Variants in UNC93B1 observed in about 807,000 individuals in gnomAD.
The protein encoded by UNC93B1 is unc-93B1 regulator of TLR signaling.
UNC93B1 carries 33 observed loss-of-function variants against 56.8 expected under a neutral mutation model. That is an observed-to-expected ratio of 0.58 (90% CI 0.44 to 0.78). UNC93B1 has a LOEUF of 0.78. UNC93B1 is among the 30% of genes least tolerant of loss of function. The pLI is 0.00. For missense variants in UNC93B1, 673 were observed against 819.5 expected, an observed-to-expected ratio of 0.82 and a Z score of 2.18; for synonymous variants, 334 against 358.6, an observed-to-expected ratio of 0.93 and a Z score of 0.77.
In UNC93B1 at chr11:67,993,992, C is replaced by CAGA. The variant is rs1856892969; in HGVS notation, c.1364-201_1364-199dup. Among the ~76,000 whole-genome samples the CAGA allele has an allele frequency of 5.3e-5, 8 of 152,350 alleles. No individual in the cohort carries two copies. The South Asian group carries it at 1.7e-3, about 32-fold the overall frequency. On this transcript the variant is annotated intron_variant, in intron 9 of 10. Transcript: ENST00000227471. The stretch of plus-strand genomic sequence containing the variant: ...GTCACCACACTGCTCACACGCTAAG[C>CAGA]AGAAGTAGGAGCAGGTGCCTCGGGC...
intron 9 of UNC93B1, 142 bp downstream of exon 9, chr11:67,995,469 C>T: frequency 1.4e-6 from 1 of 719,256 alleles, no homozygotes; most frequent in Non-Finnish European, 2.2e-6. Flanking sequence ...CCCCACCTGC[C>T]TCTGCCATGT....
At chr11:67,995,996 C>T (rs1416358605) in intron 8 of UNC93B1, 112 bp from the exon 9 acceptor site, 4 of 918,984 alleles carry the variant, frequency 4.4e-6, no homozygotes, top group Non-Finnish European at 6.1e-6. Flanking sequence ...GTCCTAAGAG[C>T]CAGGGGGGAA....
chr11:68,003,393 G>T lies in UNC93B1; in HGVS notation c.239-218C>A, dbSNP rs370587379. On this transcript the variant is annotated intron_variant, in intron 2 of 10. Transcript: ENST00000227471. The surrounding 1 kb of genome is among the most constrained non-coding windows in gnomAD (Gnocchi z 4.4). ...CCCAGACCCCCACCCGCCTTGCTCC[G>T]CCGGCCTCCAATTCTGACGGTGGCA... 137 of 816,082 alleles carry T rather than the reference G, an allele frequency of 1.7e-4. No individual in the cohort carries two copies. In the East Asian group the frequency reaches 3.0e-3, roughly 18 times the overall value. 50.6% of individuals were successfully genotyped at this position (816,082 alleles called of 1,614,324 possible).
At chr11:67,996,016 G>A (rs1856940799) in intron 8 of UNC93B1, 132 bp from the exon 9 acceptor site, 11 of 696,484 alleles carry the variant, frequency 1.6e-5, no homozygotes, top group Non-Finnish European at 2.4e-5. Flanking sequence ...AGAGGGTCTG[G>A]CTCTTACTCC....
intron 3 of UNC93B1, 129 bp downstream of exon 3, chr11:68,002,893 G>T (rs982649871): frequency 4.6e-5 from 59 of 1,270,210 alleles, no homozygotes; most frequent in Middle Eastern, 2.7e-4. Flanking sequence ...CTTCCGGGTA[G>T]AAAAAAACCT....
intron 9 of UNC93B1, among the ~76,000 whole-genome samples, chr11:67,994,925 G>A (rs571314655): frequency 1.3e-5 from 2 of 152,318 alleles, no homozygotes; most frequent in South Asian, 4.1e-4. Flanking sequence ...CTGTGGTCAG[G>A]GAGCATCCTG....
Position 67,999,615 on chromosome 11 carries a change from T to C in UNC93B1, c.458A>G (p.Asn153Ser), listed in dbSNP as rs766907412. The C allele has an allele frequency of 3.7e-6, 6 of 1,610,294 alleles. No individual in the cohort carries two copies. The highest frequency in any genetic ancestry group is 2.7e-5 in the African/African-American group (2 of 74,926). The change falls in exon 4 of 11, where the codon AAC becomes AGC. Residue 153 changes from asparagine to serine, a missense_variant. Around this residue, in one of 3 missense-constraint regions of UNC93B1, gnomAD observed 438 missense variants for 465.9 expected, o/e 0.94. Coordinates refer to ENST00000227471, the MANE Select transcript of UNC93B1 (RefSeq NM_030930.4). ...VGIYALFVST[N>S]YWERYYTLVP... ...AAGCGTGTAGTAGCGCTCCCAGTAGTTGGTGGAGACAAAGAGGGCGTAGAT... is the reference window on the plus strand; with the variant it reads ...AAGCGTGTAGTAGCGCTCCCAGTAGCTGGTGGAGACAAAGAGGGCGTAGAT...
chr11:68,004,094 G>T lies in UNC93B1; in HGVS notation c.-51C>A, dbSNP rs1857096011. On this transcript the variant is annotated 5_prime_UTR_variant, in exon 1 of 11. Coordinates refer to ENST00000227471, the MANE Select transcript of UNC93B1 (RefSeq NM_030930.4). ...CGGTCGCCCCGGAGTCCCTGCGACC[G>T]CCCGGCCACTTCCTCCCGGCGGCCG... is the stretch of plus-strand genomic sequence containing the variant. 4 of 1,260,918 alleles carry T rather than the reference G, an allele frequency of 3.2e-6. No individual in the cohort carries two copies. Among genetic ancestry groups the T allele is most frequent in the Middle Eastern group, 3.0e-4 (1 of 3,352 alleles). 78.1% of individuals were successfully genotyped at this position (1,260,918 alleles called of 1,614,324 possible).
In UNC93B1 at chr11:67,996,649, T is replaced by A. The variant is rs1856952140; in HGVS notation, c.1042A>T (p.Ile348Phe). The A allele has an allele frequency of 6.4e-7, 1 of 1,551,380 alleles. No individual in the cohort carries two copies. Among genetic ancestry groups the A allele is most frequent in the Non-Finnish European group, 8.7e-7 (1 of 1,146,884 alleles). Reference protein sequence around the residue: ...YRLRHLVPFFIYSGFEVLFAC... With the variant: ...YRLRHLVPFFFYSGFEVLFAC... ...AAGAGCACCTCGAAGCCGCTGTAGA[T>A]AAAGAAAGGCACGAGGTGGCGCAGG... The change falls in exon 8 of 11, where the codon ATC becomes TTC. Residue 348 changes from isoleucine (I) to phenylalanine (F), a missense_variant. Around this residue, in one of 3 missense-constraint regions of UNC93B1, gnomAD observed 155 missense variants for 268.3 expected, o/e 0.58. Coordinates refer to ENST00000227471, the MANE Select transcript of UNC93B1 (RefSeq NM_030930.4).
Position 67,999,599 on chromosome 11 carries a change from G to C in UNC93B1, c.474C>G (p.Tyr158Ter), listed in dbSNP as rs764551107. 6.2e-7 allele frequency: 1 copy of C among 1,606,074 alleles called. No individual in the cohort carries two copies. The change falls in exon 4 of 11, where the codon TAC (tyrosine) becomes TAG (stop). Residue 158 changes from tyrosine to a stop codon, truncating the protein, a stop_gained. Transcript: ENST00000227471. LOFTEE classifies it high-confidence loss of function. ...LFVSTNYWER[Y>*]YTLVPSAVAL... is the part of the protein sequence containing the mutation. ...CCACAGCCGAGGGCACAAGCGTGTA[G>C]TAGCGCTCCCAGTAGTTGGTGGAGA...
chr11:68,003,896 G>T lies in UNC93B1; in HGVS notation c.96+52C>A, dbSNP rs1469321949. 4 of 1,294,372 alleles carry T rather than the reference G, an allele frequency of 3.1e-6. No homozygotes were observed. The highest frequency in any genetic ancestry group is 1.6e-5 in the African/African-American group (1 of 64,008). 80.2% of individuals were successfully genotyped at this position (1,294,372 alleles called of 1,614,324 possible). ...CGGCCCGCCCCGCCCCCGCCGGGGGGACCCTGGCCCACAGGGGACGCCCGC... is the reference window on the plus strand; with the variant it reads ...CGGCCCGCCCCGCCCCCGCCGGGGGTACCCTGGCCCACAGGGGACGCCCGC... On this transcript the variant is annotated intron_variant, in intron 1 of 10. Coordinates refer to ENST00000227471, the MANE Select transcript of UNC93B1 (RefSeq NM_030930.4). This position sits in a 1 kb window ranked among gnomAD's most constrained non-coding sequence, Gnocchi z 4.4.
chr11:67,991,923 C>A (rs1343979245), intron 10 of UNC93B1, 66 bp from the exon 11 acceptor site: 12 of 1,488,856 alleles, frequency 8.1e-6, no homozygotes, highest in Non-Finnish European at 1.1e-5. Flanking sequence ...CCCGCCTATG[C>A]CCCTCGCTGA....
chr11:67,992,066 C>T (rs4014612), intron 10 of UNC93B1, among the ~76,000 whole-genome samples: 43 of 147,870 alleles, frequency 2.9e-4, no homozygotes, highest in South Asian at 4.4e-4. Flanking sequence ...ACAGTCGCCA[C>T]GCCCCTGGCG....
At position 67,996,693 on chromosome 11, in the gene UNC93B1, T is replaced by C. The variant is rs763133366; in HGVS notation, c.998A>G (p.Lys333Arg). 5.8e-6 allele frequency: 9 copies of C among 1,551,952 alleles called. No homozygotes were observed. The Admixed American group carries it at 1.6e-4, about 27-fold the overall frequency. Residue 333 changes from lysine to arginine, a missense_variant, in exon 8 of 11, where the codon AAG becomes AGG. Around this residue, in one of 3 missense-constraint regions of UNC93B1, gnomAD observed 438 missense variants for 465.9 expected, o/e 0.94. Coordinates refer to ENST00000227471, the MANE Select transcript of UNC93B1 (RefSeq NM_030930.4). ...GCGCAGGCGGTAGTCACGCACGTGC[T>C]TGAAGGGCAGCTGGAAGATGTTGCC... is the stretch of plus-strand genomic sequence containing the variant. The part of the protein sequence containing the change: ...GWGNIFQLPF[K>R]HVRDYRLRHL...
chr11:68,003,183 C>G lies in UNC93B1; in HGVS notation c.239-8G>C, dbSNP rs780105695. 3.7e-6 allele frequency: 6 copies of G among 1,609,120 alleles called. No homozygotes were observed. The Admixed American group carries it at 1.0e-4, about 27-fold the overall frequency. On this transcript the variant is annotated splice_polypyrimidine_tract_variant and splice_region_variant and intron_variant, in intron 2 of 10. Coordinates refer to ENST00000227471, the MANE Select transcript of UNC93B1 (RefSeq NM_030930.4). The surrounding 1 kb of genome is among the most constrained non-coding windows in gnomAD (Gnocchi z 4.4). ...GCTGCATCTGCAGGAGGCCTGGGGACAGGACAGAGAGCGGCGTGCAGGGAG... is the reference window on the plus strand; with the variant it reads ...GCTGCATCTGCAGGAGGCCTGGGGAGAGGACAGAGAGCGGCGTGCAGGGAG...
chr11:67,998,382 G>GTGTGGTTCAGGTCATACAGGT lies in UNC93B1; in HGVS notation c.737_757dup (p.His252_Thr253insAsnLeuTyrAspLeuAsnHis). 1 of 1,613,984 alleles carries GTGTGGTTCAGGTCATACAGGT rather than the reference G, an allele frequency of 6.2e-7. No individual in the cohort carries two copies. The highest frequency in any genetic ancestry group is 1.1e-5 in the South Asian group (1 of 91,088). On this transcript the variant is annotated inframe_insertion, in exon 6 of 11. Coordinates refer to ENST00000227471, the MANE Select transcript of UNC93B1 (RefSeq NM_030930.4). ...ACCGCAGCTCTGCACATTGTACAGC[G>GTGTGGTTCAGGTCATACAGGT]TGTGGTTCAGGTCATACAGGTAGTG...
intron 9 of UNC93B1, 33 bp from the exon 10 acceptor site, chr11:67,993,827 G>C: frequency 2.6e-6 from 3 of 1,136,152 alleles, no homozygotes; most frequent in Admixed American, 2.0e-5. Flanking sequence ...AGGCAGGGGA[G>C]AGGTGTCACC....
Position 68,003,014 on chromosome 11 carries a change from G to A in UNC93B1, c.392+8C>T, listed in dbSNP as rs758144957. On this transcript the variant is annotated splice_region_variant and intron_variant, in intron 3 of 10. Transcript: ENST00000227471. This position sits in a 1 kb window ranked among gnomAD's most constrained non-coding sequence, Gnocchi z 4.4. ...ACCGCAGCATCCCACAGGAGCAGCC[G>A]CGCCCACCTGATGAGCACAGGTGTG... 18 of 1,605,300 alleles carry A rather than the reference G, an allele frequency of 1.1e-5. No individual in the cohort carries two copies. The highest frequency in any genetic ancestry group is 1.5e-5 in the Non-Finnish European group (18 of 1,176,336).
Position 67,997,739 on chromosome 11 carries a change from C to T in UNC93B1, c.842G>A (p.Arg281Gln). The change falls in exon 7 of 11, where the codon CGG becomes CAG. Residue 281 changes from arginine to glutamine, a missense_variant. Coordinates refer to ENST00000227471, the MANE Select transcript of UNC93B1 (RefSeq NM_030930.4). ...CTCCACCACAATGAGGTTTCCGCTC[C>T]GCGGGAGCGTCCGCAGAACCGTCTT... ...FNKTVLRTLP[R>Q]SGNLIVVESV... 4 of 1,609,930 alleles carry T rather than the reference C, an allele frequency of 2.5e-6. No individual in the cohort carries two copies. The highest frequency in any genetic ancestry group is 1.7e-4 in the Middle Eastern group (1 of 5,986).
Sources: allele counts gnomAD v4.1 joint callset (sites outside exome capture counted in the v4.1 genomes callset), GRCh38; gene constraint gnomAD v4.1.1; regional missense constraint gnomAD v4.1.1; non-coding constraint Gnocchi (gnomAD v3.1); transcripts MANE v1.5; gene names NCBI Gene and HGNC (gene_info 2026-07-23, HGNC 2026-07-21).